Variants in OR2T11 observed in about 807,000 individuals in gnomAD.
OR2T11 encodes olfactory receptor 2T11.
A neutral mutation model predicts 13.5 loss-of-function variants in OR2T11; 14 were observed. The observed-to-expected ratio is 1.04, with a 90% CI of 0.69 to 1.62. The LOEUF (loss-of-function observed/expected upper bound fraction) is 1.62. OR2T11 is among the 40% of genes most tolerant of loss of function. OR2T11 has a pLI of 0.00. For missense variants in OR2T11, 410 were observed against 389.7 expected (o/e 1.05, Z -0.44); for synonymous variants, 163 against 154.6 (o/e 1.05, Z -0.40).
rs1660506611 is a variant in OR2T11 at position 248,625,873 on chromosome 1, AAGG to A, written c.*302_*304del. The A allele has an allele frequency of 4.8e-6, 1 of 210,390 alleles. No individual in the cohort carries two copies. Among genetic ancestry groups the A allele is most frequent in the Non-Finnish European group, 9.2e-6 (1 of 108,980 alleles). 13.0% of individuals were successfully genotyped at this position (210,390 alleles called of 1,614,324 possible). On this transcript the variant is annotated 3_prime_UTR_variant, in exon 2 of 2. Coordinates refer to ENST00000641193, the MANE Select transcript of OR2T11 (RefSeq NM_001001964.2). ...TGTTTAAACATGAACAAATGTTGTG[AAGG>A]AGATCTAGTTCAGAGTGAAAGGTTG...
At chr1:248,629,875 C>T (rs1260754516) in intron 1 of OR2T11, among the ~76,000 whole-genome samples, 1 of 141,534 alleles carries the variant, frequency 7.1e-6, no homozygotes, top group African/African-American at 2.8e-5. Context: ...TACTTCAGGG[C>T]TTTGCTCAAA....
chr1:248,628,821 GCCT>G (rs1660559100), intron 1 of OR2T11, among the ~76,000 whole-genome samples: 1 of 142,788 alleles, frequency 7.0e-6, no homozygotes, highest in South Asian at 2.2e-4. Flanking sequence ...AAGGACTGTG[GCCT>G]CCTCTGTCAG....
At position 248,628,488 on chromosome 1, in the gene OR2T11, T is replaced by C. The variant is rs1180340627; in HGVS notation, c.-144-1216A>G. ...GGCTCCACTATCTAGTGTTGCCAGA[T>C]TTAGCAAAGATACAGGATTCTCAGC... On this transcript the variant is annotated intron_variant, in intron 1 of 1. Coordinates refer to ENST00000641193, the MANE Select transcript of OR2T11 (RefSeq NM_001001964.2). 3.5e-5 allele frequency among the ~76,000 whole-genome samples: 5 copies of C among 141,084 alleles called. 2 individuals are homozygous for C. The highest frequency in any genetic ancestry group is 7.6e-5 in the Non-Finnish European group (5 of 65,834). 92.6% of individuals were successfully genotyped at this position (141,084 alleles called of 152,430 possible).
intron 1 of OR2T11, among the ~76,000 whole-genome samples, chr1:248,634,316 A>T (rs1241664893): frequency 9.1e-6 from 1 of 109,988 alleles, no homozygotes; most frequent in Non-Finnish European, 1.8e-5. Context: ...ATACAATGTG[A>T]AACAACCAGA....
At position 248,627,742 on chromosome 1, in the gene OR2T11, C is replaced by T. The variant is rs1185590350; in HGVS notation, c.-144-470G>A. ...GTGGAGTCTTGTCTTTTAGGGTAAC[C>T]GTAAGTCAAATAGCGTAGGTTGTGC... On this transcript the variant is annotated intron_variant, in intron 1 of 1. Transcript: ENST00000641193. Among the ~76,000 whole-genome samples the T allele has an allele frequency of 2.1e-5, 3 of 142,586 alleles. 1 individual carries two copies. The highest frequency in any genetic ancestry group is 5.6e-5 in the African/African-American group (2 of 35,978). 93.5% of individuals were successfully genotyped at this position (142,586 alleles called of 152,430 possible). A position where few individuals can be genotyped will look rare whatever the true frequency, so the allele number is the denominator to read the frequency against.
At position 248,624,007 on chromosome 1, in the gene OR2T11, A is replaced by G. The variant is rs1479414470; in HGVS notation, c.*2171T>C. The G allele has an allele frequency of 5.7e-5, 8 of 141,316 alleles. 1 individual carries two copies. Among genetic ancestry groups the G allele is most frequent in the African/African-American group, 2.3e-4 (8 of 35,458 alleles). 8.8% of individuals were successfully genotyped at this position (141,316 alleles called of 1,614,324 possible). A position where few individuals can be genotyped will look rare whatever the true frequency, so the allele number is the denominator to read the frequency against. ...CATTGATTCTAACTGCACCGAGAAG[A>G]TACAAACCATCGGAAGGGATCTTAG... is the stretch of plus-strand genomic sequence containing the variant. On this transcript the variant is annotated 3_prime_UTR_variant, in exon 2 of 2. Coordinates refer to ENST00000641193, the MANE Select transcript of OR2T11 (RefSeq NM_001001964.2).
At chr1:248,633,702 T>C (rs1400778087) in intron 1 of OR2T11, among the ~76,000 whole-genome samples, 1 of 12,778 alleles carries the variant, frequency 7.8e-5, no homozygotes, top group Non-Finnish European at 9.1e-4. Context: ...TTAACATCAC[T>C]GGTCATTTCA....
Position 248,625,385 on chromosome 1 carries a change from CTCAG to C in OR2T11, c.*789_*792del, listed in dbSNP as rs1371362682. On this transcript the variant is annotated 3_prime_UTR_variant, in exon 2 of 2. Coordinates refer to ENST00000641193, the MANE Select transcript of OR2T11 (RefSeq NM_001001964.2). ...AAAACTCCAGGGACTTCCCACCCCA[CTCAG>C]TCAGTCTCAAAGTGCCTTAAGTGTT... The C allele has an allele frequency of 4.2e-5, 6 of 144,098 alleles. No individual in the cohort carries two copies. Among genetic ancestry groups the C allele is most frequent in the East Asian group, 4.0e-4 (2 of 5,002 alleles). 8.9% of individuals were successfully genotyped at this position (144,098 alleles called of 1,614,324 possible).
At chr1:248,629,490 A>G (rs1317506229) in intron 1 of OR2T11, among the ~76,000 whole-genome samples, 4 of 141,220 alleles carry the variant, frequency 2.8e-5, no homozygotes, top group African/African-American at 1.1e-4. Context: ...TTAATCCATC[A>G]TGACACATTT....
intron 1 of OR2T11, 127 bp from the exon 2 acceptor site, chr1:248,627,399 C>T: frequency 4.5e-6 from 2 of 441,246 alleles, no homozygotes; most frequent in Non-Finnish European, 8.0e-6. Flanking sequence ...GTTATGGTAA[C>T]TGCGTGATAC....
intron 1 of OR2T11, among the ~76,000 whole-genome samples, chr1:248,628,731 T>G (rs1272665349): frequency 7.0e-6 from 1 of 142,522 alleles, no homozygotes; most frequent in Non-Finnish European, 1.5e-5. Flanking sequence ...ACAAAAAAGT[T>G]ATTTACTAAC....
At chr1:248,630,204 G>GC in intron 1 of OR2T11, among the ~76,000 whole-genome samples, 1 of 142,628 alleles carries the variant, frequency 7.0e-6, no homozygotes, top group Non-Finnish European at 1.5e-5. Flanking sequence ...TTTTTTTAAT[G>GC]CTAGGCACTT....
In OR2T11 at chr1:248,627,149, C is replaced by CATAT. The variant is rs766006940; in HGVS notation, c.-22_-21insATAT. On this transcript the variant is annotated 5_prime_UTR_variant, in exon 2 of 2. In the 5' UTR this introduces an upstream ATG that the reference lacks. Transcript: ENST00000641193. ...GTCATTGATATGGCCCACGAGCGTC[C>CATAT]CAGGGCAACGGGAAGACACAAGGAC... 5.1e-6 allele frequency: 7 copies of CATAT among 1,369,440 alleles called. 1 individual carries two copies. In the East Asian group the frequency reaches 1.6e-4, roughly 32 times the overall value. 84.8% of individuals were successfully genotyped at this position (1,369,440 alleles called of 1,614,324 possible).
intron 1 of OR2T11, among the ~76,000 whole-genome samples, chr1:248,628,110 G>C (rs1369917078): frequency 7.0e-6 from 1 of 142,980 alleles, no homozygotes; most frequent in Admixed American, 6.8e-5. Flanking sequence ...ACAGGAGCAG[G>C]GTTCACCAAG....
Position 248,627,052 on chromosome 1 carries a change from G to T in OR2T11, c.77C>A (p.Thr26Lys), listed in dbSNP as rs1438997982. 6.4e-6 allele frequency: 10 copies of T among 1,570,642 alleles called. No individual in the cohort carries two copies. The East Asian group carries it at 2.3e-4, about 36-fold the overall frequency. Residue 26 changes from threonine to lysine, a missense_variant, in exon 2 of 2, where the codon ACA becomes AAA. Transcript: ENST00000641193. ...VNSEAAGIVF[T>K]VILAVFLGAV... ...CCCCAAGAAAACAGCAAGGATCACTGTAAATACAATCCCGGCAGCCTCACT... is the reference window on the plus strand; with the variant it reads ...CCCCAAGAAAACAGCAAGGATCACTTTAAATACAATCCCGGCAGCCTCACT...
At chr1:248,627,939 A>T (rs1434397572) in intron 1 of OR2T11, among the ~76,000 whole-genome samples, 1 of 143,944 alleles carries the variant, frequency 6.9e-6, no homozygotes, top group Non-Finnish European at 1.5e-5. Context: ...AGGTAAAAAA[A>T]ACTATTTGCA....
intron 1 of OR2T11, among the ~76,000 whole-genome samples, chr1:248,633,660 T>TA (rs1660645288): frequency 1.5e-5 from 2 of 129,694 alleles, no homozygotes; most frequent in African/African-American, 6.3e-5. Context: ...TGTTTTCTGA[T>TA]TTTAATTTTT....
intron 1 of OR2T11, among the ~76,000 whole-genome samples, chr1:248,632,332 G>A (rs1247070944): frequency 7.1e-6 from 1 of 141,070 alleles, no homozygotes; most frequent in Non-Finnish European, 1.5e-5. Flanking sequence ...AGGTACTGAA[G>A]ACCTCTAATG....
In OR2T11 at chr1:248,630,337, A is replaced by G. The variant is rs1420339267; in HGVS notation, c.-144-3065T>C. The stretch of plus-strand genomic sequence containing the variant: ...AGATCAGACAGCAATACAACTTCTA[A>G]ATCATTAAGGTTTATATACAGTACA... On this transcript the variant is annotated intron_variant, in intron 1 of 1. Transcript: ENST00000641193. 1.4e-5 allele frequency among the ~76,000 whole-genome samples: 2 copies of G among 143,398 alleles called. 1 individual carries two copies. The highest frequency in any genetic ancestry group is 3.0e-5 in the Non-Finnish European group (2 of 66,294). 94.1% of individuals were successfully genotyped at this position (143,398 alleles called of 152,430 possible). A position where few individuals can be genotyped will look rare whatever the true frequency, so the allele number is the denominator to read the frequency against.
Sources: allele counts gnomAD v4.1 joint callset (sites outside exome capture counted in the v4.1 genomes callset), GRCh38; gene constraint gnomAD v4.1.1; transcripts MANE v1.5; gene names NCBI Gene and HGNC (gene_info 2026-07-23, HGNC 2026-07-21).